Variants in SH3RF3 observed in about 807,000 individuals in gnomAD.
SH3RF3 encodes the protein E3 ubiquitin-protein ligase SH3RF3.
A neutral mutation model predicts 66.3 loss-of-function variants in SH3RF3; 29 were observed. That is an observed-to-expected ratio of 0.44 (90% CI 0.33 to 0.60). The LOEUF (loss-of-function observed/expected upper bound fraction) is 0.60. SH3RF3 is among the 20% of genes least tolerant of loss of function. SH3RF3 has a pLI of 0.04. For synonymous variants in SH3RF3, 583 were observed against 532.0 expected (o/e 1.10, Z -1.32); for missense variants, 1,194 against 1,190.9 (o/e 1.00, Z -0.04).
intron 1 of SH3RF3, among the ~76,000 whole-genome samples, chr2:109,146,195 C>T (rs1461585525): frequency 1.3e-5 from 2 of 152,052 alleles, no homozygotes; most frequent in African/African-American, 4.8e-5. Flanking sequence ...CTAATAATGG[C>T]CATTATTATT....
chr2:109,423,533 C>A (rs1304316548), intron 5 of SH3RF3, among the ~76,000 whole-genome samples: 1 of 152,208 alleles, frequency 6.6e-6, no homozygotes, highest in Non-Finnish European at 1.5e-5. Flanking sequence ...ATTCACAGAA[C>A]AGGCTGGTGC....
intron 3 of SH3RF3, among the ~76,000 whole-genome samples, chr2:109,377,247 T>C (rs967796085): frequency 6.6e-6 from 1 of 152,178 alleles, no homozygotes; most frequent in Non-Finnish European, 1.5e-5. Flanking sequence ...CTGAGGGTGC[T>C]GGACCTCCGT....
At chr2:109,279,731 G>C (rs769404585) in intron 1 of SH3RF3, among the ~76,000 whole-genome samples, 1 of 142,942 alleles carries the variant, frequency 7.0e-6, no homozygotes, top group Non-Finnish European at 1.5e-5. Context: ...TTGAAATTCA[G>C]TACGCTTGGG....
intron 1 of SH3RF3, among the ~76,000 whole-genome samples, chr2:109,288,899 T>G (rs1681099603): frequency 6.6e-6 from 1 of 152,212 alleles, no homozygotes; most frequent in Admixed American, 6.5e-5. Flanking sequence ...CACCAGTGTC[T>G]GCAGAGCATA....
At chr2:109,304,240 A>T (rs796750424) in intron 1 of SH3RF3, among the ~76,000 whole-genome samples, 46 of 151,828 alleles carry the variant, frequency 3.0e-4, no homozygotes, top group African/African-American at 1.1e-3. Flanking sequence ...TTGGACCAAC[A>T]CCTCCCCATT....
intron 1 of SH3RF3, among the ~76,000 whole-genome samples, chr2:109,340,311 G>A (rs1023476679): frequency 2.0e-5 from 3 of 152,182 alleles, no homozygotes; most frequent in Non-Finnish European, 4.4e-5. Flanking sequence ...TGTGGGTCTC[G>A]CAGGTAGAGG....
intron 1 of SH3RF3, among the ~76,000 whole-genome samples, chr2:109,255,178 G>A (rs1462434654): frequency 6.6e-6 from 1 of 152,154 alleles, no homozygotes; most frequent in Non-Finnish European, 1.5e-5. Flanking sequence ...TGCTTTGTGT[G>A]TGTGGCATTT....
intron 1 of SH3RF3, among the ~76,000 whole-genome samples, chr2:109,233,693 A>G (rs1013274002): frequency 1.3e-5 from 2 of 152,182 alleles, no homozygotes; most frequent in Non-Finnish European, 2.9e-5. Context: ...GCAGAGCTCT[A>G]TCCTTTTGGC....
At chr2:109,160,317 T>C (rs1677459946) in intron 1 of SH3RF3, among the ~76,000 whole-genome samples, 1 of 152,190 alleles carries the variant, frequency 6.6e-6, no homozygotes, top group Non-Finnish European at 1.5e-5. Context: ...GAGGGCTTTC[T>C]TGGGGTGCAG....
chr2:109,425,705 A>AAG (rs386390880), intron 5 of SH3RF3, among the ~76,000 whole-genome samples: 2 of 151,554 alleles, frequency 1.3e-5, no homozygotes, highest in Non-Finnish European at 2.9e-5. Context: ...TCAGAAAAAA[A>AAG]AGATTCCTTT....
chr2:109,129,414 C>G lies in SH3RF3; in HGVS notation c.-127C>G. The G allele has an allele frequency of 6.9e-7, 1 of 1,453,428 alleles. No homozygotes were observed. 90.0% of individuals were successfully genotyped at this position (1,453,428 alleles called of 1,614,324 possible). Reference sequence around the variant, plus strand: ...CCGCCACAGCCCTAGCATCGGGCCACCAGCCGGGGTGAAGAAAGTCACGGC... The same window carrying G: ...CCGCCACAGCCCTAGCATCGGGCCAGCAGCCGGGGTGAAGAAAGTCACGGC... On this transcript the variant is annotated 5_prime_UTR_variant, in exon 1 of 10. Coordinates refer to ENST00000309415, the MANE Select transcript of SH3RF3 (RefSeq NM_001099289.3).
chr2:109,229,225 T>C (rs1014436259), intron 1 of SH3RF3, among the ~76,000 whole-genome samples: 1 of 152,224 alleles, frequency 6.6e-6, no homozygotes, highest in Non-Finnish European at 1.5e-5. Flanking sequence ...AGCTGTTCCC[T>C]TCCCCCTTTT....
chr2:109,306,060 G>A (rs1325928041), intron 1 of SH3RF3, among the ~76,000 whole-genome samples: 2 of 152,228 alleles, frequency 1.3e-5, no homozygotes, highest in East Asian at 3.8e-4. Flanking sequence ...TACTGGCAGC[G>A]ACAGTGGGAT....
At chr2:109,243,057 T>C (rs895003067) in intron 1 of SH3RF3, among the ~76,000 whole-genome samples, 2 of 152,232 alleles carry the variant, frequency 1.3e-5, no homozygotes, top group African/African-American at 2.4e-5. Flanking sequence ...GTGAGAACAA[T>C]GAAATCGGCT....
intron 2 of SH3RF3, among the ~76,000 whole-genome samples, chr2:109,349,019 TTC>T (rs141831998): frequency 6.0e-5 from 9 of 150,660 alleles, no homozygotes; most frequent in South Asian, 4.2e-4. Flanking sequence ...GTGTCAGTAT[TTC>T]TCTCTCTCTC....
intron 7 of SH3RF3, among the ~76,000 whole-genome samples, chr2:109,442,588 A>C (rs1677599873): frequency 6.6e-6 from 1 of 152,182 alleles, no homozygotes; most frequent in Non-Finnish European, 1.5e-5. Context: ...AAAGTTTGGG[A>C]AGGGAGAAGT....
chr2:109,305,972 T>C (rs1004836570), intron 1 of SH3RF3, among the ~76,000 whole-genome samples: 2 of 152,186 alleles, frequency 1.3e-5, no homozygotes, highest in Non-Finnish European at 1.5e-5. Flanking sequence ...AGCACGGTAT[T>C]TAGTGAGCAC....
intron 1 of SH3RF3, among the ~76,000 whole-genome samples, chr2:109,293,778 G>T (rs772959399): frequency 4.6e-5 from 7 of 152,232 alleles, no homozygotes; most frequent in Non-Finnish European, 8.8e-5. Context: ...CCCTCTCCCA[G>T]CTGTAGGTGA....
At chr2:109,336,523 A>T (rs1033187371) in intron 1 of SH3RF3, among the ~76,000 whole-genome samples, 3 of 152,218 alleles carry the variant, frequency 2.0e-5, no homozygotes, top group Admixed American at 1.3e-4. Context: ...GGCCCCGTGT[A>T]CCCCGCAGGC....
Sources: gnomAD v4.1 joint callset for allele counts (sites outside exome capture counted in the v4.1 genomes callset) on GRCh38, gnomAD v4.1.1 for gene constraint, MANE v1.5 for transcripts, NCBI Gene and HGNC (gene_info 2026-07-23, HGNC 2026-07-21) for gene names.